Variants in RAB14 observed in about 807,000 individuals in gnomAD.
RAB14 encodes the protein RAB14, member RAS oncogene family.
In RAB14, 3 loss-of-function variants were observed where a neutral mutation model predicts 31.1. The observed-to-expected ratio is 0.10, with a 90% CI of 0.04 to 0.25. The LOEUF is 0.25. RAB14 is among the 10% of genes least tolerant of loss of function. RAB14 has a pLI of 1.00. For synonymous variants in RAB14, 85 were observed against 84.9 expected, an observed-to-expected ratio of 1.00 and a Z score of 0.00; for missense variants, 111 against 260.1, an observed-to-expected ratio of 0.43 and a Z score of 3.94.
chr9:121,193,237 G>A, intron 2 of RAB14, 124 bp downstream of exon 2: 1 of 628,140 alleles, frequency 1.6e-6, no homozygotes, highest in South Asian at 2.1e-5. Context: ...CTTATAAAAG[G>A]AGTTTTAGTT....
Position 121,193,343 on chromosome 9 carries a change from T to A in RAB14, c.52+18A>T. 1 of 1,516,112 alleles carries A rather than the reference T, an allele frequency of 6.6e-7. No individual in the cohort carries two copies. The highest frequency in any genetic ancestry group is 9.1e-7 in the Non-Finnish European group (1 of 1,102,484). 93.9% of individuals were successfully genotyped at this position (1,516,112 alleles called of 1,614,324 possible). On this transcript the variant is annotated intron_variant, in intron 2 of 7. Coordinates refer to ENST00000373840, the MANE Select transcript of RAB14 (RefSeq NM_016322.4). ...TAACCTTCTTTTGGGAACAAGAGTG[T>A]AAGTTAAATAAACTTACCAATAATA... is the stretch of plus-strand genomic sequence containing the variant.
In RAB14 at chr9:121,191,452, G is replaced by GT. The variant is rs1450492248; in HGVS notation, c.106+718dup. Among the ~76,000 whole-genome samples, 4 of 152,020 alleles carry GT rather than the reference G, an allele frequency of 2.6e-5. No homozygotes were observed. In the East Asian group the frequency reaches 5.8e-4, roughly 22 times the overall value. Reference sequence around the variant, plus strand: ...TTCTGGGTTCAAGCAAGCCTCCCACGTAAGTCTCCCAAAGCACTACTGGGA... The same window carrying GT: ...TTCTGGGTTCAAGCAAGCCTCCCACGTTAAGTCTCCCAAAGCACTACTGGGA... On this transcript the variant is annotated intron_variant, in intron 3 of 7. Coordinates refer to ENST00000373840, the MANE Select transcript of RAB14 (RefSeq NM_016322.4).
intron 1 of RAB14, among the ~76,000 whole-genome samples, chr9:121,196,706 T>C (rs958363520): frequency 6.6e-5 from 10 of 152,180 alleles, no homozygotes; most frequent in Admixed American, 5.9e-4. Flanking sequence ...ACTCGCTTAA[T>C]TATAATTTAA....
intron 4 of RAB14, among the ~76,000 whole-genome samples, chr9:121,189,022 A>G (rs2053672696): frequency 6.6e-6 from 1 of 152,096 alleles, no homozygotes; most frequent in Admixed American, 6.6e-5. Flanking sequence ...TAAATTCTCG[A>G]TATTTCATAA....
intron 4 of RAB14, among the ~76,000 whole-genome samples, chr9:121,188,179 T>C (rs2053667886): frequency 6.6e-6 from 1 of 151,992 alleles, no homozygotes; most frequent in South Asian, 2.1e-4. Flanking sequence ...TTTAGAATTT[T>C]CTAAGTAAAC....
intron 5 of RAB14, among the ~76,000 whole-genome samples, chr9:121,184,726 CT>C (rs1481011585): frequency 2.0e-5 from 3 of 152,292 alleles, no homozygotes; most frequent in African/African-American, 7.2e-5. Flanking sequence ...AGTGAGCATT[CT>C]TTAAACAGTG....
At position 121,179,536 on chromosome 9, in the gene RAB14, A is replaced by C. The variant is rs977224872; in HGVS notation, c.*1860T>G. The C allele has an allele frequency of 6.6e-6, 1 of 152,604 alleles. No individual in the cohort carries two copies. Among genetic ancestry groups the C allele is most frequent in the African/African-American group, 2.4e-5 (1 of 41,434 alleles). The allele number at this position is 152,604 out of a possible 1,614,324, so 9.5% of individuals were successfully genotyped here. On this transcript the variant is annotated 3_prime_UTR_variant, in exon 8 of 8. Transcript: ENST00000373840. ...TTTGTTTTTGTAAATATACACACAC[A>C]CCAGCAGGTCATGGTCCCTGGGTGA... is the stretch of plus-strand genomic sequence containing the variant.
At chr9:121,197,310 T>C (rs938973907) in intron 1 of RAB14, among the ~76,000 whole-genome samples, 1 of 152,158 alleles carries the variant, frequency 6.6e-6, no homozygotes, top group African/African-American at 2.4e-5. Context: ...CTCCTGAACA[T>C]GAAACATACC....
chr9:121,195,779 G>T (rs1414456166), intron 1 of RAB14, among the ~76,000 whole-genome samples: 3 of 151,968 alleles, frequency 2.0e-5, no homozygotes, highest in Non-Finnish European at 4.4e-5. Flanking sequence ...GTAAACAAAG[G>T]CAGAAAACAT....
rs1233387566 is a variant in RAB14 at position 121,179,769 on chromosome 9, CAT to C, written c.*1625_*1626del. ...ACTATACAATACTCTGGTACTACCA[CAT>C]GTTTACAACCCAGAAAGATGTACTT... On this transcript the variant is annotated 3_prime_UTR_variant, in exon 8 of 8. Coordinates refer to ENST00000373840, the MANE Select transcript of RAB14 (RefSeq NM_016322.4). 3 of 152,658 alleles carry C rather than the reference CAT, an allele frequency of 2.0e-5. No homozygotes were observed. Among genetic ancestry groups the C allele is most frequent in the Non-Finnish European group, 4.4e-5 (3 of 68,040 alleles). 9.5% of individuals were successfully genotyped at this position (152,658 alleles called of 1,614,324 possible). A position where few individuals can be genotyped will look rare whatever the true frequency, so the allele number is the denominator to read the frequency against.
Position 121,182,959 on chromosome 9 carries a change from G to A in RAB14, c.441C>T (p.Gly147=). 1.2e-6 allele frequency: 2 copies of A among 1,604,724 alleles called. No homozygotes were observed. The highest frequency in any genetic ancestry group is 4.5e-5 in the East Asian group (2 of 44,606). The change falls in exon 7 of 8, where the codon GGC becomes GGT. Residue 147 remains glycine (G), a splice_region_variant and synonymous_variant. Transcript: ENST00000373840. ...EEAKQFAEEN[G]LLFLEASAKT... ...TTGCACTCGCTTCGAGGAACAATAA[G>A]CCTAAAAATAAAATTCAGACTATAA...
intron 1 of RAB14, among the ~76,000 whole-genome samples, chr9:121,195,328 T>C (rs1427546974): frequency 3.9e-5 from 6 of 152,190 alleles, no homozygotes; most frequent in Non-Finnish European, 8.8e-5. Context: ...CACCTTCAAA[T>C]TACTGTCTCT....
intron 3 of RAB14, among the ~76,000 whole-genome samples, chr9:121,191,485 C>T (rs1429209066): frequency 6.6e-6 from 1 of 152,116 alleles, no homozygotes; most frequent in Non-Finnish European, 1.5e-5. Flanking sequence ...GGATTACAGG[C>T]ATGAGCCACC....
intron 1 of RAB14, among the ~76,000 whole-genome samples, chr9:121,201,227 G>A (rs1014095277): frequency 6.6e-6 from 1 of 152,202 alleles, no homozygotes; most frequent in Non-Finnish European, 1.5e-5. Flanking sequence ...GCTGCAGGGC[G>A]GCGCGGCACG....
intron 6 of RAB14, 87 bp from the exon 7 acceptor site, chr9:121,183,047 T>A (rs1171216179): frequency 6.7e-6 from 9 of 1,347,030 alleles, no homozygotes; most frequent in Non-Finnish European, 9.4e-6. Flanking sequence ...AAGTTTCCCA[T>A]CAGTTTTTAG....
At chr9:121,197,822 C>G (rs971563972) in intron 1 of RAB14, among the ~76,000 whole-genome samples, 2 of 152,092 alleles carry the variant, frequency 1.3e-5, no homozygotes, top group African/African-American at 2.4e-5. Flanking sequence ...GCATTTAATG[C>G]ACCATTTTTA....
At position 121,180,703 on chromosome 9, in the gene RAB14, C is replaced by T. The variant is rs3087565; in HGVS notation, c.*693G>A. 3 of 152,578 alleles carry T rather than the reference C, an allele frequency of 2.0e-5. No individual in the cohort carries two copies. Among genetic ancestry groups the T allele is most frequent in the African/African-American group, 7.2e-5 (3 of 41,424 alleles). The allele number at this position is 152,578 out of a possible 1,614,324, so 9.5% of individuals were successfully genotyped here. A position where few individuals can be genotyped will look rare whatever the true frequency, so the allele number is the denominator to read the frequency against. Reference sequence around the variant, plus strand: ...TTATTTTCTTCATTAAAATAATATACACAGAATGTATTGTTAGTTCGATTC... The same window carrying T: ...TTATTTTCTTCATTAAAATAATATATACAGAATGTATTGTTAGTTCGATTC... On this transcript the variant is annotated 3_prime_UTR_variant, in exon 8 of 8. Coordinates refer to ENST00000373840, the MANE Select transcript of RAB14 (RefSeq NM_016322.4).
At chr9:121,186,656 T>C (rs1358621038) in intron 5 of RAB14, among the ~76,000 whole-genome samples, 5 of 152,196 alleles carry the variant, frequency 3.3e-5, no homozygotes, top group Non-Finnish European at 7.4e-5. Context: ...ATGAAATTAA[T>C]GCAGATCCCT....
At chr9:121,198,728 A>C (rs762701464) in intron 1 of RAB14, among the ~76,000 whole-genome samples, 5 of 152,228 alleles carry the variant, frequency 3.3e-5, no homozygotes, top group Non-Finnish European at 7.4e-5. Flanking sequence ...TTAGCAAGAC[A>C]GCAATGATCA....
Sources: allele counts gnomAD v4.1 joint callset (sites outside exome capture counted in the v4.1 genomes callset), GRCh38; gene constraint gnomAD v4.1.1; transcripts MANE v1.5; gene names NCBI Gene and HGNC (gene_info 2026-07-23, HGNC 2026-07-21).